The following AR variants were observed in gnomAD, a reference collection of about 807,000 sequenced individuals.
The protein encoded by AR is androgen receptor.
A neutral mutation model predicts 53.9 loss-of-function variants in AR; 8 were observed. That is an observed-to-expected ratio of 0.15 (90% CI 0.09 to 0.27). The LOEUF (loss-of-function observed/expected upper bound fraction) is 0.27. AR is among the 10% of genes least tolerant of loss of function. The probability of loss-of-function intolerance (pLI) is 1.00; values close to 1 mark genes in which losing one functional copy is unlikely to be tolerated. For synonymous variants in AR, 359 were observed against 316.4 expected, an observed-to-expected ratio of 1.13 and a Z score of -1.43; for missense variants, 639 against 742.5, an observed-to-expected ratio of 0.86 and a Z score of 1.62.
intron 2 of AR, among the ~76,000 whole-genome samples, chrX:67,675,935 C>T (rs1204546852): frequency 1.8e-5 from 2 of 111,238 alleles, no homozygotes; most frequent in African/African-American, 6.5e-5. Flanking sequence ...AAGGAAAGGG[C>T]GCTTGGAATC....
At chrX:67,556,088 A>G (rs761246273) in intron 1 of AR, among the ~76,000 whole-genome samples, 1 of 112,521 alleles carries the variant, frequency 8.9e-6, no homozygotes, top group African/African-American at 3.2e-5. Flanking sequence ...TTCATATTCC[A>G]TTATTGCATT....
Position 67,722,820 on chromosome X carries a change from A to C in AR, c.2450-7A>C. On this transcript the variant is annotated splice_polypyrimidine_tract_variant and splice_region_variant and intron_variant, in intron 6 of 7. Transcript: ENST00000374690. ...CCCCTCCCCATTCTGTCTTCATCCCACATCAGTTCCAGTGGATGGGCTGAA... is the reference window on the plus strand; with the variant it reads ...CCCCTCCCCATTCTGTCTTCATCCCCCATCAGTTCCAGTGGATGGGCTGAA... 8.3e-7 allele frequency: 1 copy of C among 1,210,966 alleles called. No individual in the cohort carries two copies. Among genetic ancestry groups the C allele is most frequent in the Non-Finnish European group, 1.1e-6 (1 of 895,069 alleles).
intron 2 of AR, among the ~76,000 whole-genome samples, chrX:67,652,467 T>C (rs1926390459): frequency 8.9e-6 from 1 of 111,891 alleles, no homozygotes; most frequent in Non-Finnish European, 1.9e-5. Flanking sequence ...AGGAAGGGAA[T>C]TTAGAAATCA....
At chrX:67,705,543 G>C (rs1370965083) in intron 3 of AR, among the ~76,000 whole-genome samples, 2 of 111,426 alleles carry the variant, frequency 1.8e-5, no homozygotes, top group Non-Finnish European at 3.8e-5. Context: ...AGGAGATTTT[G>C]GGCTGAGACA....
At chrX:67,680,964 T>C in intron 2 of AR, 1 of 231,639 alleles carries the variant, frequency 4.3e-6, no homozygotes. Context: ...CCAGCTGGCA[T>C]GCAGTGGACC....
intron 3 of AR, among the ~76,000 whole-genome samples, chrX:67,707,541 A>G (rs899620936): frequency 2.7e-5 from 3 of 111,615 alleles, no homozygotes; most frequent in African/African-American, 9.8e-5. Context: ...GTCTCTGCAC[A>G]TGAGATGGGT....
At chrX:67,556,515 T>G (rs1921060657) in intron 1 of AR, among the ~76,000 whole-genome samples, 1 of 111,995 alleles carries the variant, frequency 8.9e-6, no homozygotes, top group African/African-American at 3.2e-5. Context: ...CAATAAATGC[T>G]TATTAAGCAT....
chrX:67,656,778 C>A (rs1156240431), intron 2 of AR, among the ~76,000 whole-genome samples: 1 of 110,150 alleles, frequency 9.1e-6, no homozygotes, highest in Non-Finnish European at 1.9e-5. Context: ...ATGAGTAAAG[C>A]ATAGTTTCAG....
At chrX:67,720,302 C>T (rs982385009) in intron 5 of AR, among the ~76,000 whole-genome samples, 2 of 108,802 alleles carry the variant, frequency 1.8e-5, no homozygotes, top group African/African-American at 3.4e-5. Context: ...TTCCCCCTTT[C>T]TTTTCCCCTT....
chrX:67,610,703 T>G (rs773434442), intron 1 of AR, among the ~76,000 whole-genome samples: 100 of 112,228 alleles, frequency 8.9e-4, no homozygotes, highest in Non-Finnish European at 1.6e-3. Flanking sequence ...TCTTAAAGGT[T>G]GCACAACTTT....
At chrX:67,675,331 A>G (rs777443450) in intron 2 of AR, among the ~76,000 whole-genome samples, 3 of 110,579 alleles carry the variant, frequency 2.7e-5, no homozygotes, top group Non-Finnish European at 3.8e-5. Context: ...ATGTTCCCCA[A>G]GTCCACTGGC....
At chrX:67,675,988 G>A (rs1472932040) in intron 2 of AR, among the ~76,000 whole-genome samples, 1 of 111,662 alleles carries the variant, frequency 9.0e-6, no homozygotes, top group Non-Finnish European at 1.9e-5. Context: ...AAATTCATTT[G>A]ACCCTTGTAA....
In AR at chrX:67,591,734, G is replaced by T. The variant is rs944545740; in HGVS notation, c.1616+44972G>T. ...GGTAGGATGCCTAGGGAAGAGCCAC[G>T]AGATAAAAACTCCAGGCTGGAAGGG... On this transcript the variant is annotated intron_variant, in intron 1 of 7. Transcript: ENST00000374690. Among the ~76,000 whole-genome samples the T allele has an allele frequency of 1.1e-4, 12 of 111,709 alleles. No individual in the cohort carries two copies. In the South Asian group the frequency reaches 3.8e-3, roughly 35 times the overall value.
chrX:67,644,942 G>A (rs1925980613), intron 2 of AR, among the ~76,000 whole-genome samples: 1 of 111,102 alleles, frequency 9.0e-6, no homozygotes, highest in Non-Finnish European at 1.9e-5. Flanking sequence ...ACTCATGAAA[G>A]GATGGCTGTC....
At chrX:67,548,052 A>G (rs1929838532) in intron 1 of AR, among the ~76,000 whole-genome samples, 1 of 111,606 alleles carries the variant, frequency 9.0e-6, no homozygotes, top group African/African-American at 3.3e-5. Context: ...GTCCCTGTGG[A>G]CTTTTGTCTT....
chrX:67,552,948 T>C (rs948286249), intron 1 of AR, among the ~76,000 whole-genome samples: 5 of 111,871 alleles, frequency 4.5e-5, no homozygotes, highest in African/African-American at 1.3e-4. Context: ...CTTTAATAGA[T>C]TGTGATTTGT....
At chrX:67,563,413 GT>G (rs2147339563) in intron 1 of AR, among the ~76,000 whole-genome samples, 1 of 111,796 alleles carries the variant, frequency 8.9e-6, no homozygotes, top group African/African-American at 3.2e-5. Context: ...TTGGGTTTTT[GT>G]GAATATAAGT....
At position 67,563,799 on chromosome X, in the gene AR, G is replaced by C. The variant is rs144406877; in HGVS notation, c.1616+17037G>C. Among the ~76,000 whole-genome samples the C allele has an allele frequency of 2.0e-4, 22 of 112,354 alleles. No homozygotes were observed. The East Asian group carries it at 6.2e-3, about 32-fold the overall frequency. On this transcript the variant is annotated intron_variant, in intron 1 of 7. Coordinates refer to ENST00000374690, the MANE Select transcript of AR (RefSeq NM_000044.6). Reference sequence around the variant, plus strand: ...TCTGAGGAGAGAGGGAGAGTGAGAAGATTCCTCTTCTTGGCCAGAGGTCAT... The same window carrying C: ...TCTGAGGAGAGAGGGAGAGTGAGAACATTCCTCTTCTTGGCCAGAGGTCAT...
intron 1 of AR, among the ~76,000 whole-genome samples, chrX:67,633,985 AGTAATAGAT>A (rs1467396973): frequency 1.0e-4 from 11 of 108,805 alleles, no homozygotes; most frequent in African/African-American, 3.9e-4. Flanking sequence ...ATTAGTTTGC[AGTAATAGAT>A]GTGAGTATGC....
Sources: gnomAD v4.1 joint callset for allele counts (sites outside exome capture counted in the v4.1 genomes callset) on GRCh38, gnomAD v4.1.1 for gene constraint, MANE v1.5 for transcripts, NCBI Gene and HGNC (gene_info 2026-07-23, HGNC 2026-07-21) for gene names.